The following FER variants were observed in gnomAD, a reference collection of about 807,000 sequenced individuals.
FER encodes tyrosine-protein kinase Fer.
In FER, 63 loss-of-function variants were observed where a neutral mutation model predicts 111.0. The ratio of observed to expected loss-of-function variants is 0.57; its 90% CI spans 0.46 to 0.70. The LOEUF (loss-of-function observed/expected upper bound fraction) is 0.70, where lower values mean the gene tolerates loss of function less well. Among genes scored for constraint, FER ranks in the 30% least tolerant of loss-of-function variants. The pLI is 0.00. For missense variants in FER, 914 were observed against 954.0 expected (o/e 0.96, Z 0.55); for synonymous variants, 327 against 313.9 (o/e 1.04, Z -0.44).
intron 17 of FER, among the ~76,000 whole-genome samples, chr5:109,133,829 A>T (rs987184417): frequency 6.6e-6 from 1 of 152,152 alleles, no homozygotes; most frequent in African/African-American, 2.4e-5. Context: ...ATTTGGTGTA[A>T]AAGATTGCAT....
chr5:109,027,034 A>G (rs747446959), intron 13 of FER, among the ~76,000 whole-genome samples: 3 of 152,168 alleles, frequency 2.0e-5, no homozygotes, highest in Non-Finnish European at 4.4e-5. Flanking sequence ...CCAAAATACC[A>G]TGTTGTCAAT....
intron 10 of FER, among the ~76,000 whole-genome samples, chr5:108,918,929 T>G (rs556128445): frequency 6.6e-6 from 1 of 152,380 alleles, no homozygotes; most frequent in African/African-American, 2.4e-5. Context: ...ATTCTATACT[T>G]GTTTGAGGCT....
rs778590818 is a variant in FER, at chr5:109,187,494, T to G, written c.2388T>G (p.Cys796Trp). 6.2e-7 allele frequency: 1 copy of G among 1,614,012 alleles called. No individual in the cohort carries two copies. Among genetic ancestry groups the G allele is most frequent in the Admixed American group, 1.7e-5 (1 of 60,004 alleles). Residue 796 changes from cysteine to tryptophan, a missense_variant, in exon 20 of 20, where the codon TGT (cysteine) becomes TGG (tryptophan). Cys to Trp is a radical substitution (Grantham distance 215). Around this residue, in one of 3 missense-constraint regions of FER, gnomAD observed 134 missense variants for 149.4 expected, o/e 0.90. Transcript: ENST00000281092. Reference protein sequence around the residue: ...PEDISKIMMKCWDYKPENRPK... With the variant: ...PEDISKIMMKWWDYKPENRPK... ...ATATTTCCAAAATCATGATGAAGTG[T>G]TGGGATTATAAACCTGAAAATCGCC...
intron 2 of FER, among the ~76,000 whole-genome samples, chr5:108,774,223 G>T (rs1753238434): frequency 6.6e-6 from 1 of 152,144 alleles, no homozygotes; most frequent in Non-Finnish European, 1.5e-5. Context: ...CCCTGTAAAA[G>T]ATATGAGCTC....
At chr5:109,053,280 G>A (rs1264449410) in intron 16 of FER, among the ~76,000 whole-genome samples, 1 of 151,622 alleles carries the variant, frequency 6.6e-6, no homozygotes, top group South Asian at 2.1e-4. Context: ...CTACTTGGGA[G>A]GCTGAGGGAG....
intron 5 of FER, among the ~76,000 whole-genome samples, chr5:108,836,713 A>G (rs544204440): frequency 1.3e-5 from 2 of 152,266 alleles, no homozygotes; most frequent in African/African-American, 2.4e-5. Context: ...ATCTTGCACA[A>G]TGAAAATATT....
At chr5:108,864,062 G>A (rs1341593967) in intron 5 of FER, among the ~76,000 whole-genome samples, 1 of 152,096 alleles carries the variant, frequency 6.6e-6, no homozygotes, top group African/African-American at 2.4e-5. Flanking sequence ...AGTTCTTTAT[G>A]TTATAAAGTG....
At chr5:108,793,519 C>CGGGGGGGGGGG (rs144848588) in intron 2 of FER, among the ~76,000 whole-genome samples, 2 of 103,150 alleles carry the variant, frequency 1.9e-5, no homozygotes, top group Non-Finnish European at 4.0e-5. Context: ...TTTGGCGGGG[C>CGGGGGGGGGGG]GGGGGGGGTG....
rs191566832 is a variant in FER, at chr5:108,942,311, T to C, written c.1237-3819T>C. On this transcript the variant is annotated intron_variant, in intron 10 of 19. Transcript: ENST00000281092. ...GGATCTCACCGAACTCTATTCTGTT[T>C]TACTCTAGGTTTCCTTAGCATTGTT... 1.4e-4 allele frequency among the ~76,000 whole-genome samples: 21 copies of C among 152,292 alleles called. 1 individual carries two copies. In the East Asian group the frequency reaches 2.9e-3, roughly 21 times the overall value.
intron 3 of FER, among the ~76,000 whole-genome samples, chr5:108,808,522 T>C (rs1363908791): frequency 6.6e-6 from 1 of 152,102 alleles, no homozygotes; most frequent in East Asian, 1.9e-4. Flanking sequence ...AGACAGCAGA[T>C]GGTTGGGTTT....
rs1178706562 is a variant in FER at position 109,040,864 on chromosome 5, A to G, written c.1713+3386A>G. On this transcript the variant is annotated intron_variant, in intron 14 of 19. Transcript: ENST00000281092. ...TAAGAGGGGATGCAATTTAGTTCAC[A>G]ATGGAGGATTGACTTTAATAGAAAC... Among the ~76,000 whole-genome samples, 3 of 152,130 alleles carry G rather than the reference A, an allele frequency of 2.0e-5. No individual in the cohort carries two copies. In the East Asian group the frequency reaches 5.8e-4, roughly 29 times the overall value.
At chr5:108,772,724 A>G (rs1419579001) in intron 2 of FER, among the ~76,000 whole-genome samples, 1 of 152,172 alleles carries the variant, frequency 6.6e-6, no homozygotes, top group African/African-American at 2.4e-5. Flanking sequence ...TGGGAGATGT[A>G]TGTTGGACTT....
intron 16 of FER, among the ~76,000 whole-genome samples, chr5:109,049,095 G>T (rs1355465176): frequency 2.0e-5 from 3 of 152,310 alleles, no homozygotes; most frequent in Admixed American, 6.5e-5. Flanking sequence ...AAATTCAGTA[G>T]TGAGATTGTT....
At chr5:109,049,290 G>T (rs1306637999) in intron 16 of FER, among the ~76,000 whole-genome samples, 1 of 152,170 alleles carries the variant, frequency 6.6e-6, no homozygotes, top group Non-Finnish European at 1.5e-5. Context: ...CCAAAATCAG[G>T]ATGTCAGGCT....
intron 17 of FER, among the ~76,000 whole-genome samples, chr5:109,153,736 T>C (rs1026619684): frequency 4.0e-5 from 6 of 151,860 alleles, no homozygotes; most frequent in Admixed American, 3.9e-4. Flanking sequence ...ATAAGGAAAA[T>C]GAGGCCCAGT....
intron 5 of FER, among the ~76,000 whole-genome samples, chr5:108,857,340 A>G (rs1763101132): frequency 6.6e-6 from 1 of 151,902 alleles, no homozygotes; most frequent in Non-Finnish European, 1.5e-5. Flanking sequence ...TCTGCATAAT[A>G]TTTATTTATT....
At chr5:108,798,835 C>CA in intron 3 of FER, among the ~76,000 whole-genome samples, 1 of 152,088 alleles carries the variant, frequency 6.6e-6, no homozygotes, top group East Asian at 1.9e-4. Flanking sequence ...AAAAACAAAA[C>CA]AAAAAATTCC....
chr5:108,798,666 G>A (rs1756310539), intron 3 of FER, among the ~76,000 whole-genome samples: 1 of 152,126 alleles, frequency 6.6e-6, no homozygotes, highest in Admixed American at 6.6e-5. Context: ...TGGGGAAAGT[G>A]GTGAAACCCT....
At chr5:108,923,019 A>T (rs998142079) in intron 10 of FER, among the ~76,000 whole-genome samples, 30 of 152,156 alleles carry the variant, frequency 2.0e-4, no homozygotes, top group Non-Finnish European at 4.0e-4. Context: ...AACTTTGGGC[A>T]AGTTAAACTT....
Sources: allele counts gnomAD v4.1 joint callset (sites outside exome capture counted in the v4.1 genomes callset), GRCh38; gene constraint gnomAD v4.1.1; regional missense constraint gnomAD v4.1.1; transcripts MANE v1.5; gene names NCBI Gene and HGNC (gene_info 2026-07-23, HGNC 2026-07-21).